The following IQCM variants were observed in gnomAD, a reference collection of about 807,000 sequenced individuals.
IQCM encodes IQ motif containing M, also known as IQ domain-containing protein M.
IQCM carries 45 observed loss-of-function variants against 57.6 expected under a neutral mutation model. That is an observed-to-expected ratio of 0.78 (90% CI 0.62 to 1.00). The LOEUF (loss-of-function observed/expected upper bound fraction) is 1.00. Among genes scored for constraint, IQCM ranks in the 50% least tolerant of loss-of-function variants. The pLI is 0.00. For missense variants in IQCM, 468 were observed against 511.6 expected (o/e 0.91, Z 0.82); for synonymous variants, 148 against 158.9 (o/e 0.93, Z 0.51).
chr4:149,734,186 A>G (rs1177894219), intron 4 of IQCM, among the ~76,000 whole-genome samples: 1 of 152,136 alleles, frequency 6.6e-6, no homozygotes, highest in East Asian at 1.9e-4. Context: ...CCCAAAAAAA[A>G]GGTTTAGAAA....
intron 12 of IQCM, among the ~76,000 whole-genome samples, chr4:149,458,959 A>G (rs565580820): frequency 6.6e-6 from 1 of 152,284 alleles, no homozygotes; most frequent in African/African-American, 2.4e-5. Context: ...TCATAACAAT[A>G]AAGCTAGATA....
At chr4:149,590,853 G>C (rs2221364) in intron 8 of IQCM, among the ~76,000 whole-genome samples, 1 of 151,794 alleles carries the variant, frequency 6.6e-6, no homozygotes, top group Admixed American at 6.6e-5. Context: ...GTATATTATT[G>C]ATGGGCATTT....
At chr4:149,534,799 A>C (rs571187013) in intron 12 of IQCM, among the ~76,000 whole-genome samples, 1 of 152,118 alleles carries the variant, frequency 6.6e-6, no homozygotes, top group Non-Finnish European at 1.5e-5. Flanking sequence ...TTGGAAATCA[A>C]AATACCAAAA....
At position 149,720,308 on chromosome 4, in the gene IQCM, T is replaced by C. The variant is rs190254003; in HGVS notation, c.385+12936A>G. ...TTCAATTGCTTCTAAATCCTTATAA[T>C]GTTTTAATATCTTTTCTATTTATAA... On this transcript the variant is annotated intron_variant, in intron 5 of 13. Coordinates refer to ENST00000636793, the MANE Select transcript of IQCM (RefSeq NM_001363507.2). Among the ~76,000 whole-genome samples the C allele has an allele frequency of 2.7e-3, 409 of 152,364 alleles. 2 individuals are homozygous for C. Among genetic ancestry groups the C allele is most frequent in the South Asian group, 0.013 (63 of 4,828 alleles).
At chr4:149,475,985 GA>G (rs1740140724) in intron 12 of IQCM, among the ~76,000 whole-genome samples, 1 of 152,166 alleles carries the variant, frequency 6.6e-6, no homozygotes, top group Non-Finnish European at 1.5e-5. Context: ...TGCTGCAAAA[GA>G]AGTGGCAGAT....
intron 12 of IQCM, among the ~76,000 whole-genome samples, chr4:149,499,704 C>T (rs1482917259): frequency 6.6e-6 from 1 of 151,960 alleles, no homozygotes; most frequent in Admixed American, 6.6e-5. Context: ...AAAATCCAAA[C>T]CTTATATTAC....
At chr4:149,491,036 C>T (rs1402661975) in intron 12 of IQCM, among the ~76,000 whole-genome samples, 1 of 152,054 alleles carries the variant, frequency 6.6e-6, no homozygotes, top group East Asian at 1.9e-4. Flanking sequence ...TTATTGTCTT[C>T]AAGTTTCTCT....
chr4:149,377,526 T>G (rs1464810660), intron 13 of IQCM, among the ~76,000 whole-genome samples: 1 of 152,176 alleles, frequency 6.6e-6, no homozygotes, highest in Non-Finnish European at 1.5e-5. Context: ...CAAACTGTCT[T>G]CTTTTTTCAC....
At chr4:149,575,332 T>G (rs1384081117) in intron 9 of IQCM, among the ~76,000 whole-genome samples, 2 of 151,856 alleles carry the variant, frequency 1.3e-5, no homozygotes, top group Non-Finnish European at 2.9e-5. Flanking sequence ...CTCGTGAAAT[T>G]CATCTTTTGT....
At chr4:149,788,098 C>T (rs2150023544) in intron 2 of IQCM, among the ~76,000 whole-genome samples, 1 of 152,304 alleles carries the variant, frequency 6.6e-6, no homozygotes, top group Non-Finnish European at 1.5e-5. Flanking sequence ...CTTTGGGAGG[C>T]CAAGGCGGGC....
At chr4:149,584,949 C>A in intron 9 of IQCM, among the ~76,000 whole-genome samples, 1 of 151,670 alleles carries the variant, frequency 6.6e-6, no homozygotes, top group East Asian at 1.9e-4. Flanking sequence ...TGCTTAACTT[C>A]CCCACTCCCA....
chr4:149,567,091 A>G (rs995066762), intron 9 of IQCM, among the ~76,000 whole-genome samples: 2 of 152,146 alleles, frequency 1.3e-5, no homozygotes, highest in Non-Finnish European at 2.9e-5. Flanking sequence ...CTGTGCCTTC[A>G]ATATATTTTG....
intron 7 of IQCM, among the ~76,000 whole-genome samples, chr4:149,646,931 C>T (rs1758688962): frequency 6.6e-6 from 1 of 152,180 alleles, no homozygotes; most frequent in South Asian, 2.1e-4. Flanking sequence ...TTGCAGTGAG[C>T]TGGGATAGCA....
At chr4:149,688,607 T>C (rs10015201) in intron 5 of IQCM, among the ~76,000 whole-genome samples, 30,331 of 151,874 alleles carry the variant, frequency 0.2, 3,470 homozygotes, top group South Asian at 0.34. Context: ...AAAACAATTC[T>C]AAAATTTATA....
intron 9 of IQCM, among the ~76,000 whole-genome samples, chr4:149,566,980 G>C (rs1288908916): frequency 6.6e-6 from 1 of 152,102 alleles, no homozygotes; most frequent in East Asian, 1.9e-4. Context: ...CATTACACAG[G>C]TGGTATATTT....
intron 7 of IQCM, among the ~76,000 whole-genome samples, chr4:149,670,837 A>T (rs571526719): frequency 1.3e-5 from 2 of 152,194 alleles, no homozygotes; most frequent in South Asian, 4.2e-4. Context: ...CAATTCTATC[A>T]TGGTGGATAA....
Position 149,365,649 on chromosome 4 carries a change from T to C in IQCM, c.1391-13583A>G, listed in dbSNP as rs140298705. Among the ~76,000 whole-genome samples, 223 of 152,272 alleles carry C rather than the reference T, an allele frequency of 1.5e-3. 2 individuals carry two copies. The highest frequency in any genetic ancestry group is 5.0e-3 in the African/African-American group (209 of 41,576). ...TATCACCAGTGATAAGTCATATTGA[T>C]AGCATGTTCCCACTGATATGATGAG... On this transcript the variant is annotated intron_variant, in intron 13 of 13. Coordinates refer to ENST00000636793, the MANE Select transcript of IQCM (RefSeq NM_001363507.2).
chr4:149,387,251 A>G (rs751626564), intron 13 of IQCM, among the ~76,000 whole-genome samples: 9 of 151,988 alleles, frequency 5.9e-5, no homozygotes, highest in Admixed American at 1.3e-4. Flanking sequence ...TCCAGCACTA[A>G]TCCCATTCAT....
chr4:149,520,647 A>G (rs763282931), intron 12 of IQCM, among the ~76,000 whole-genome samples: 1 of 152,122 alleles, frequency 6.6e-6, no homozygotes, highest in Non-Finnish European at 1.5e-5. Flanking sequence ...TTATTATAGA[A>G]ATGTAATTTG....
Sources: gnomAD v4.1 joint callset for allele counts (sites outside exome capture counted in the v4.1 genomes callset) on GRCh38, gnomAD v4.1.1 for gene constraint, MANE v1.5 for transcripts, NCBI Gene and HGNC (gene_info 2026-07-23, HGNC 2026-07-21) for gene names.